Variants in CDK19 observed in about 807,000 individuals in gnomAD.
CDK19 encodes the protein cyclin-dependent kinase 19.
Under a neutral mutation model 68.3 loss-of-function variants are expected in CDK19, and 20 were observed. The ratio of observed to expected loss-of-function variants is 0.29; its 90% CI spans 0.21 to 0.43. The LOEUF (loss-of-function observed/expected upper bound fraction) is 0.43, where lower values mean the gene tolerates loss of function less well. CDK19 is among the 20% of genes least tolerant of loss of function. CDK19 has a pLI of 1.00. For missense variants in CDK19, 339 were observed against 623.5 expected (o/e 0.54, Z 4.86); for synonymous variants, 221 against 222.8 (o/e 0.99, Z 0.07).
chr6:110,796,253 A>G (rs1364143857), intron 1 of CDK19, among the ~76,000 whole-genome samples: 2 of 152,206 alleles, frequency 1.3e-5, no homozygotes, highest in Non-Finnish European at 2.9e-5. Flanking sequence ...GAGGAGAATC[A>G]CTAGAACCAG....
chr6:110,746,449 A>G (rs1778085572), intron 1 of CDK19, among the ~76,000 whole-genome samples: 1 of 152,222 alleles, frequency 6.6e-6, no homozygotes, highest in Admixed American at 6.5e-5. Context: ...ACAGAACAGG[A>G]TACTAAACAC....
chr6:110,805,710 CTTAT>C (rs777087545), intron 1 of CDK19, among the ~76,000 whole-genome samples: 28 of 152,028 alleles, frequency 1.8e-4, no homozygotes, highest in Non-Finnish European at 3.4e-4. Flanking sequence ...CACATATGAA[CTTAT>C]TTGTCTAGCA....
At chr6:110,640,231 C>CA (rs59703376) in intron 4 of CDK19, among the ~76,000 whole-genome samples, 3,724 of 80,658 alleles carry the variant, frequency 0.046, 105 homozygotes, top group Non-Finnish European at 0.06. Flanking sequence ...GACCCTGTCA[C>CA]AAAAAAAAAA....
At chr6:110,694,885 G>A (rs1034870959) in intron 2 of CDK19, among the ~76,000 whole-genome samples, 9 of 152,326 alleles carry the variant, frequency 5.9e-5, no homozygotes, top group South Asian at 2.1e-4. Flanking sequence ...GGGAGGCCAA[G>A]GCAGGCAGAT....
rs370873009 is a variant in CDK19 at position 110,642,864 on chromosome 6, G to A, written c.457-4158C>T. On this transcript the variant is annotated intron_variant, in intron 4 of 12. Transcript: ENST00000368911. ...GAGAAGGAAAGGGGGAAGAGGGAGA[G>A]AGACAGCAGAGGAGAGGGAAAAGAG... Among the ~76,000 whole-genome samples, 478 of 151,846 alleles carry A rather than the reference G, an allele frequency of 3.1e-3. 6 individuals are homozygous for A. The highest frequency in any genetic ancestry group is 0.016 in the South Asian group (77 of 4,790).
At chr6:110,691,789 A>AG (rs1053476049) in intron 2 of CDK19, among the ~76,000 whole-genome samples, 5 of 151,176 alleles carry the variant, frequency 3.3e-5, no homozygotes, top group Non-Finnish European at 7.4e-5. Flanking sequence ...CTGGGATTAC[A>AG]GGCACATGCC....
intron 2 of CDK19, among the ~76,000 whole-genome samples, chr6:110,688,488 A>T (rs1382885191): frequency 2.6e-5 from 4 of 152,162 alleles, no homozygotes; most frequent in Non-Finnish European, 5.9e-5. Flanking sequence ...GCAGGAACTT[A>T]GGAAACCTGA....
intron 12 of CDK19, among the ~76,000 whole-genome samples, chr6:110,619,817 CCT>C (rs2114606823): frequency 6.6e-6 from 1 of 152,086 alleles, no homozygotes; most frequent in Non-Finnish European, 1.5e-5. Flanking sequence ...ACTGCCAGCC[CCT>C]GTTGCAGTGG....
At chr6:110,746,098 AT>A in intron 2 of CDK19, 27 bp downstream of exon 2, 3 of 1,249,718 alleles carry the variant, frequency 2.4e-6, no homozygotes, top group Non-Finnish European at 3.3e-6. Flanking sequence ...CAATAATAAA[AT>A]AAATAACTGT....
In CDK19 at chr6:110,815,213, G is replaced by C. The variant is rs1451667603; in HGVS notation, c.-77C>G. 7.2e-7 allele frequency: 1 copy of C among 1,398,132 alleles called. No individual in the cohort carries two copies. The highest frequency in any genetic ancestry group is 2.9e-5 in the East Asian group (1 of 34,148). 86.6% of individuals were successfully genotyped at this position (1,398,132 alleles called of 1,614,324 possible). A position where few individuals can be genotyped will look rare whatever the true frequency, so the allele number is the denominator to read the frequency against. ...CCCTCCTCCTCCTCCCCCCGCGACCGCCGCTCCACTTCTCCAACAGCCGCC... is the reference window on the plus strand; with the variant it reads ...CCCTCCTCCTCCTCCCCCCGCGACCCCCGCTCCACTTCTCCAACAGCCGCC... On this transcript the variant is annotated 5_prime_UTR_variant, in exon 1 of 13. Transcript: ENST00000368911.
intron 1 of CDK19, among the ~76,000 whole-genome samples, chr6:110,768,841 C>T (rs1779772392): frequency 6.6e-6 from 1 of 151,974 alleles, no homozygotes; most frequent in South Asian, 2.1e-4. Flanking sequence ...ATAGAATATA[C>T]CTAATGTGTA....
At chr6:110,671,733 T>A (rs1364203680) in intron 2 of CDK19, among the ~76,000 whole-genome samples, 1 of 152,034 alleles carries the variant, frequency 6.6e-6, no homozygotes, top group Non-Finnish European at 1.5e-5. Flanking sequence ...TATAAATAGA[T>A]CAATGAGGCA....
At chr6:110,799,569 T>C (rs1050590823) in intron 1 of CDK19, among the ~76,000 whole-genome samples, 2 of 152,154 alleles carry the variant, frequency 1.3e-5, no homozygotes, top group African/African-American at 4.8e-5. Context: ...CTGGGTTTAT[T>C]TGCATTATTT....
chr6:110,754,117 C>T (rs1778672266), intron 1 of CDK19, among the ~76,000 whole-genome samples: 1 of 151,534 alleles, frequency 6.6e-6, no homozygotes, highest in East Asian at 2.0e-4. Flanking sequence ...GCAGCCTCAA[C>T]CTCCCAGGCT....
intron 1 of CDK19, among the ~76,000 whole-genome samples, chr6:110,759,444 T>TATAC (rs1314285143): frequency 8.0e-6 from 1 of 125,252 alleles, no homozygotes; most frequent in East Asian, 2.3e-4. Context: ...TATATATATA[T>TATAC]ATATATAAAT....
chr6:110,787,832 G>GT (rs1264720618), intron 1 of CDK19, among the ~76,000 whole-genome samples: 2 of 151,544 alleles, frequency 1.3e-5, no homozygotes, highest in South Asian at 4.2e-4. Flanking sequence ...GGGTTTTGCG[G>GT]TTTTTTTGTT....
intron 4 of CDK19, chr6:110,646,014 C>T: frequency 9.9e-7 from 1 of 1,007,760 alleles, no homozygotes; most frequent in Non-Finnish European, 1.5e-6. Flanking sequence ...GCAGGGTGTG[C>T]GGTCGCGGGA....
chr6:110,719,275 G>T (rs1457289960), intron 2 of CDK19, among the ~76,000 whole-genome samples: 4 of 152,246 alleles, frequency 2.6e-5, no homozygotes, highest in Middle Eastern at 3.4e-3. Context: ...CTTGAGCCCA[G>T]GAGTTTTGAG....
At chr6:110,701,967 C>T (rs992484781) in intron 2 of CDK19, among the ~76,000 whole-genome samples, 5 of 151,712 alleles carry the variant, frequency 3.3e-5, no homozygotes, top group African/African-American at 9.7e-5. Context: ...ACAGTGAAAC[C>T]TCATCTCTAC....
Sources: gnomAD v4.1 joint callset for allele counts (sites outside exome capture counted in the v4.1 genomes callset) on GRCh38, gnomAD v4.1.1 for gene constraint, MANE v1.5 for transcripts, NCBI Gene and HGNC (gene_info 2026-07-23, HGNC 2026-07-21) for gene names.